The following NIM1K variants were observed in gnomAD, a reference collection of about 807,000 sequenced individuals.
NIM1K encodes the protein serine/threonine-protein kinase NIM1.
NIM1K carries 35 observed loss-of-function variants against 37.1 expected under a neutral mutation model. That is an observed-to-expected ratio of 0.94 (90% CI 0.72 to 1.25). The LOEUF (loss-of-function observed/expected upper bound fraction) is 1.25, where lower values mean the gene tolerates loss of function less well. Ranked by LOEUF, NIM1K falls within the 50% of genes most tolerant of loss-of-function variation. The probability of loss-of-function intolerance (pLI) is 0.00; values close to 1 mark genes in which losing one functional copy is unlikely to be tolerated. For missense variants in NIM1K, 564 were observed against 548.0 expected, an observed-to-expected ratio of 1.03 and a Z score of -0.29; for synonymous variants, 234 against 206.6, an observed-to-expected ratio of 1.13 and a Z score of -1.14.
At position 43,205,924 on chromosome 5, in the gene NIM1K, G is replaced by A. The variant is rs10461739; in HGVS notation, c.-695+13513G>A. ...AGACGGGGTTTTACTGTGTTAGCCAGGATGGTCTCGATCTTCTGACCTTGT... is the reference window on the plus strand; with the variant it reads ...AGACGGGGTTTTACTGTGTTAGCCAAGATGGTCTCGATCTTCTGACCTTGT... On this transcript the variant is annotated intron_variant, in intron 1 of 3. Transcript: ENST00000326035. Among the ~76,000 whole-genome samples the A allele has an allele frequency of 2.9e-3, 442 of 152,168 alleles. 1 individual carries two copies. In the East Asian group the frequency reaches 0.04, roughly 14 times the overall value.
At chr5:43,202,528 C>G (rs1295659119) in intron 1 of NIM1K, among the ~76,000 whole-genome samples, 1 of 152,184 alleles carries the variant, frequency 6.6e-6, no homozygotes, top group Non-Finnish European at 1.5e-5. Context: ...AAGCCCCTCC[C>G]CAGTGGACTC....
chr5:43,236,610 G>A (rs1752625355), intron 1 of NIM1K, among the ~76,000 whole-genome samples: 1 of 152,250 alleles, frequency 6.6e-6, no homozygotes. Context: ...CACCACGCCA[G>A]GCATAGGCAC....
At chr5:43,196,854 C>A (rs554793281) in intron 1 of NIM1K, among the ~76,000 whole-genome samples, 1 of 151,398 alleles carries the variant, frequency 6.6e-6, no homozygotes, top group African/African-American at 2.4e-5. Flanking sequence ...CTCACTGCAG[C>A]CTTAAATTCC....
At chr5:43,230,771 G>T (rs1454607813) in intron 1 of NIM1K, among the ~76,000 whole-genome samples, 2 of 152,140 alleles carry the variant, frequency 1.3e-5, no homozygotes, top group Non-Finnish European at 1.5e-5. Context: ...CCCCATCACC[G>T]TCATTTTCAC....
In NIM1K at chr5:43,245,730, A is replaced by G. The variant is rs1461031441; in HGVS notation, c.-46A>G. 1 of 1,530,562 alleles carries G rather than the reference A, an allele frequency of 6.5e-7. No individual in the cohort carries two copies. Among genetic ancestry groups the G allele is most frequent in the Non-Finnish European group, 8.8e-7 (1 of 1,135,342 alleles). The allele number at this position is 1,530,562 out of a possible 1,614,324, so 94.8% of individuals were successfully genotyped here. A position where few individuals can be genotyped will look rare whatever the true frequency, so the allele number is the denominator to read the frequency against. On this transcript the variant is annotated 5_prime_UTR_variant, in exon 2 of 4. Transcript: ENST00000326035. ...CCCTCTGAGCCTCTTCTGCTCCTGC[A>G]CAACCTGCCTCTTCGCTGAGATGGA...
intron 2 of NIM1K, among the ~76,000 whole-genome samples, chr5:43,264,785 T>C (rs998386313): frequency 1.3e-5 from 2 of 152,204 alleles, no homozygotes; most frequent in African/African-American, 2.4e-5. Flanking sequence ...TGTTTAGTGC[T>C]TCCTTCAGGA....
At chr5:43,273,445 G>C (rs923769613) in intron 2 of NIM1K, among the ~76,000 whole-genome samples, 1 of 152,058 alleles carries the variant, frequency 6.6e-6, no homozygotes, top group Non-Finnish European at 1.5e-5. Flanking sequence ...TCTTGACCTT[G>C]TGATCCACCC....
Position 43,280,452 on chromosome 5 carries a change from C to A in NIM1K, c.1034C>A (p.Ser345Ter). 6.2e-7 allele frequency: 1 copy of A among 1,614,090 alleles called. No homozygotes were observed. Among genetic ancestry groups the A allele is most frequent in the East Asian group, 2.2e-5 (1 of 44,876 alleles). ...TTCCAACTGGATCCCAAACATTTGT[C>A]GGAAACCAGCACTCTCAAGGAAGAA... ...EPFQLDPKHL[S>*]ETSTLKEEEN... The change falls in exon 4 of 4, where the codon TCG (serine) becomes TAG (stop). Residue 345 changes from serine (S) to a stop codon, truncating the protein, a stop_gained. Coordinates refer to ENST00000326035, the MANE Select transcript of NIM1K (RefSeq NM_153361.4). LOFTEE classifies it high-confidence loss of function.
intron 2 of NIM1K, among the ~76,000 whole-genome samples, chr5:43,258,002 T>A (rs1473273295): frequency 2.0e-5 from 3 of 152,138 alleles, no homozygotes; most frequent in Non-Finnish European, 4.4e-5. Flanking sequence ...TTTGATGAAT[T>A]TTCCAAACTG....
chr5:43,249,018 T>C (rs1480789938), intron 2 of NIM1K, among the ~76,000 whole-genome samples: 2 of 151,150 alleles, frequency 1.3e-5, no homozygotes, highest in Admixed American at 1.3e-4. Context: ...ATTACAGACA[T>C]GTGCCACCTT....
Position 43,277,287 on chromosome 5 carries a change from C to T in NIM1K, c.523C>T (p.Leu175Phe). Residue 175 changes from leucine to phenylalanine, a missense_variant, in exon 3 of 4, where the codon CTC (leucine) becomes TTC (phenylalanine). Transcript: ENST00000326035. Reference protein sequence around the residue: ...EGKLSEPESKLIFSQIVSAVK... With the variant: ...EGKLSEPESKFIFSQIVSAVK... ...GAAGCTCTCTGAACCAGAAAGCAAG[C>T]TCATCTTCTCCCAGATTGTGTCTGC... 6.2e-7 allele frequency: 1 copy of T among 1,614,058 alleles called. No homozygotes were observed.
chr5:43,247,073 A>T (rs1441168606), intron 2 of NIM1K, among the ~76,000 whole-genome samples: 3 of 151,928 alleles, frequency 2.0e-5, no homozygotes, highest in African/African-American at 7.3e-5. Context: ...TCCAACCCCC[A>T]ATCCCATGCC....
chr5:43,278,101 A>G (rs1753380120), intron 3 of NIM1K, among the ~76,000 whole-genome samples: 1 of 145,678 alleles, frequency 6.9e-6, no homozygotes, highest in South Asian at 2.1e-4. Context: ...GATGGAGTGC[A>G]GTGGCATGAT....
intron 2 of NIM1K, 77 bp from the exon 3 acceptor site, chr5:43,276,980 G>GGA: frequency 7.0e-7 from 1 of 1,428,126 alleles, no homozygotes; most frequent in Non-Finnish European, 9.7e-7. Context: ...TAAAGGAAAG[G>GGA]AGCTGATCCA....
At position 43,198,175 on chromosome 5, in the gene NIM1K, CTT is replaced by C. The variant is rs1235362706; in HGVS notation, c.-695+5766_-695+5767del. Among the ~76,000 whole-genome samples the C allele has an allele frequency of 4.2e-3, 253 of 59,596 alleles. 1 individual carries two copies. Among genetic ancestry groups the C allele is most frequent in the South Asian group, 0.016 (21 of 1,312 alleles). The allele number at this position is 59,596 out of a possible 152,430, so 39.1% of individuals were successfully genotyped here. A position where few individuals can be genotyped will look rare whatever the true frequency, so the allele number is the denominator to read the frequency against. On this transcript the variant is annotated intron_variant, in intron 1 of 3. Transcript: ENST00000326035. ...TCTTTCTTTCTTTCTTTCTTTCTTTCTTTCTTTCTTTCTTTCTTTCTTTCTTT... is the reference window on the plus strand; with the variant it reads ...TCTTTCTTTCTTTCTTTCTTTCTTTCTCTTTCTTTCTTTCTTTCTTTCTTT...
intron 2 of NIM1K, among the ~76,000 whole-genome samples, chr5:43,263,116 T>C (rs1753061924): frequency 2.6e-5 from 4 of 152,248 alleles, no homozygotes; most frequent in Admixed American, 1.3e-4. Context: ...AGGATGTTGC[T>C]GGCCTCATAA....
At position 43,255,535 on chromosome 5, in the gene NIM1K, G is replaced by C. The variant is rs185799252; in HGVS notation, c.292+9468G>C. On this transcript the variant is annotated intron_variant, in intron 2 of 3. Transcript: ENST00000326035. ...GGAGGCCAAGGTGGGTGGATTATGA[G>C]ATCAAGAGATGGAGGCCATCCTGGC... Among the ~76,000 whole-genome samples, 21 of 152,282 alleles carry C rather than the reference G, an allele frequency of 1.4e-4. 1 individual carries two copies. The East Asian group carries it at 4.1e-3, about 30-fold the overall frequency.
chr5:43,193,648 A>T (rs1266645804), intron 1 of NIM1K: 1 of 152,228 alleles, frequency 6.6e-6, no homozygotes, highest in Non-Finnish European at 1.5e-5. Context: ...TTTCAAATGG[A>T]AATCTAAGGT....
At chr5:43,272,429 C>G (rs1230362377) in intron 2 of NIM1K, among the ~76,000 whole-genome samples, 1 of 152,178 alleles carries the variant, frequency 6.6e-6, no homozygotes, top group African/African-American at 2.4e-5. Context: ...GATCTACTCT[C>G]CACCCTTCTT....
Sources: gnomAD v4.1 joint callset for allele counts (sites outside exome capture counted in the v4.1 genomes callset) on GRCh38, gnomAD v4.1.1 for gene constraint, MANE v1.5 for transcripts, NCBI Gene and HGNC (gene_info 2026-07-23, HGNC 2026-07-21) for gene names.